Variants in MFHAS1 observed in about 807,000 individuals in gnomAD.
MFHAS1 encodes malignant fibrous histiocytoma-amplified sequence 1.
Under a neutral mutation model 70.4 loss-of-function variants are expected in MFHAS1, and 50 were observed. That is an observed-to-expected ratio of 0.71 (90% confidence interval 0.57 to 0.90). The LOEUF is 0.90. MFHAS1 is among the 40% of genes least tolerant of loss of function. MFHAS1 has a pLI of 0.00. For synonymous variants in MFHAS1, 952 were observed against 620.0 expected, an observed-to-expected ratio of 1.54 and a Z score of -7.96; for missense variants, 1,795 against 1,347.6, an observed-to-expected ratio of 1.33 and a Z score of -5.20.
chr8:8,796,777 C>T (rs1805916133), intron 2 of MFHAS1, among the ~76,000 whole-genome samples: 3 of 150,538 alleles, frequency 2.0e-5, no homozygotes, highest in African/African-American at 4.9e-5. Context: ...GGGCGGATCC[C>T]GAGGTCAGGA....
At chr8:8,847,729 T>C (rs1193489207) in intron 1 of MFHAS1, among the ~76,000 whole-genome samples, 1 of 152,224 alleles carries the variant, frequency 6.6e-6, no homozygotes, top group Non-Finnish European at 1.5e-5. Flanking sequence ...AAAATGTGTA[T>C]GAACTAAAAT....
At chr8:8,887,967 T>C (rs1384343974) in intron 1 of MFHAS1, among the ~76,000 whole-genome samples, 1 of 152,104 alleles carries the variant, frequency 6.6e-6, no homozygotes, top group Admixed American at 6.5e-5. Flanking sequence ...GTTAATAACA[T>C]TCGTTTTTAT....
At chr8:8,854,693 A>C (rs1298702802) in intron 1 of MFHAS1, among the ~76,000 whole-genome samples, 1 of 152,128 alleles carries the variant, frequency 6.6e-6, no homozygotes, top group Non-Finnish European at 1.5e-5. Context: ...TCAAAAAAAA[A>C]AAAAGGAAGA....
At chr8:8,824,535 ACACACACACACACACACACACACACAC>A (rs1807084319) in intron 1 of MFHAS1, among the ~76,000 whole-genome samples, 2 of 44,748 alleles carry the variant, frequency 4.5e-5, no homozygotes, top group Admixed American at 8.4e-4. Flanking sequence ...ACACACACAC[ACACACACACACACACACACACACACAC>A]ACACACCCCT....
Position 8,893,407 on chromosome 8 carries a change from C to G in MFHAS1, c.-349G>C, listed in dbSNP as rs1470589527. 1 of 145,808 alleles carries G rather than the reference C, an allele frequency of 6.9e-6. No individual in the cohort carries two copies. Among genetic ancestry groups the G allele is most frequent in the Non-Finnish European group, 1.5e-5 (1 of 65,580 alleles). 9.0% of individuals were successfully genotyped at this position (145,808 alleles called of 1,614,324 possible). ...GCCTCGGGGGGCCCGGCTCCGGCCC[C>G]GCTACCCTCGCAGCCGCGGTCCCGC... is the stretch of plus-strand genomic sequence containing the variant. On this transcript the variant is annotated 5_prime_UTR_variant, in exon 1 of 3. Transcript: ENST00000276282.
chr8:8,790,996 A>C (rs112208558), intron 2 of MFHAS1, among the ~76,000 whole-genome samples: 2,009 of 152,302 alleles, frequency 0.013, 38 homozygotes, highest in South Asian at 0.049. Context: ...TACAGTATAG[A>C]GGCAATAATC....
intron 1 of MFHAS1, among the ~76,000 whole-genome samples, chr8:8,826,426 G>C (rs1807165653): frequency 1.3e-5 from 2 of 152,106 alleles, no homozygotes; most frequent in South Asian, 4.1e-4. Flanking sequence ...GATAGTTCTA[G>C]CCAATGAAAT....
At chr8:8,809,215 T>C (rs1806453084) in intron 1 of MFHAS1, among the ~76,000 whole-genome samples, 2 of 152,174 alleles carry the variant, frequency 1.3e-5, no homozygotes, top group African/African-American at 4.8e-5. Context: ...TGTATAATTA[T>C]CTCATTATCT....
At chr8:8,815,022 C>CG (rs1806689009) in intron 1 of MFHAS1, among the ~76,000 whole-genome samples, 1 of 151,990 alleles carries the variant, frequency 6.6e-6, no homozygotes, top group African/African-American at 2.4e-5. Flanking sequence ...CCTTTCTCAC[C>CG]GCCCCCCACA....
At chr8:8,842,911 A>G (rs1807885776) in intron 1 of MFHAS1, among the ~76,000 whole-genome samples, 1 of 152,224 alleles carries the variant, frequency 6.6e-6, no homozygotes, top group Admixed American at 6.5e-5. Context: ...ATCTGCATTT[A>G]CAAATTAGCA....
intron 1 of MFHAS1, among the ~76,000 whole-genome samples, chr8:8,828,159 C>A (rs919276856): frequency 6.6e-6 from 1 of 152,168 alleles, no homozygotes; most frequent in African/African-American, 2.4e-5. Context: ...GATGCTGATG[C>A]AAATATACAA....
chr8:8,855,495 C>A (rs908442218), intron 1 of MFHAS1, among the ~76,000 whole-genome samples: 10 of 152,222 alleles, frequency 6.6e-5, no homozygotes, highest in African/African-American at 2.2e-4. Context: ...TGAAAATGAA[C>A]GTTATAGAAT....
chr8:8,853,187 C>T (rs904389523), intron 1 of MFHAS1, among the ~76,000 whole-genome samples: 4 of 151,814 alleles, frequency 2.6e-5, no homozygotes, highest in South Asian at 2.1e-4. Flanking sequence ...ACATATACAC[C>T]GACTCACACA....
At chr8:8,839,069 C>T (rs926569259) in intron 1 of MFHAS1, among the ~76,000 whole-genome samples, 1 of 151,876 alleles carries the variant, frequency 6.6e-6, no homozygotes, top group South Asian at 2.1e-4. Context: ...ACAAACTAGA[C>T]CACTAAAATT....
intron 1 of MFHAS1, among the ~76,000 whole-genome samples, chr8:8,824,790 G>A (rs1807095374): frequency 6.6e-6 from 1 of 152,206 alleles, no homozygotes; most frequent in South Asian, 2.1e-4. Context: ...TTCAAGGAAA[G>A]AAAATAGATT....
intron 1 of MFHAS1, among the ~76,000 whole-genome samples, chr8:8,856,165 C>T (rs1349854167): frequency 6.6e-6 from 1 of 152,188 alleles, no homozygotes; most frequent in Non-Finnish European, 1.5e-5. Flanking sequence ...AGATCTGGGG[C>T]CCTTATTTGG....
At chr8:8,885,090 G>A (rs1391980528) in intron 1 of MFHAS1, among the ~76,000 whole-genome samples, 1 of 152,040 alleles carries the variant, frequency 6.6e-6, no homozygotes, top group African/African-American at 2.4e-5. Context: ...CCTAATCAAA[G>A]ATATATCATG....
chr8:8,798,096 A>G (rs1395922045), intron 1 of MFHAS1, among the ~76,000 whole-genome samples: 1 of 152,106 alleles, frequency 6.6e-6, no homozygotes, highest in Non-Finnish European at 1.5e-5. Flanking sequence ...CACATAATTA[A>G]CCTAATGGAT....
At chr8:8,868,321 A>T (rs1808939408) in intron 1 of MFHAS1, among the ~76,000 whole-genome samples, 1 of 151,492 alleles carries the variant, frequency 6.6e-6, no homozygotes, top group Admixed American at 6.6e-5. Context: ...GGCTAATAAT[A>T]TAGACAAACT....
Sources: gnomAD v4.1 joint callset for allele counts (sites outside exome capture counted in the v4.1 genomes callset) on GRCh38, gnomAD v4.1.1 for gene constraint, MANE v1.5 for transcripts, NCBI Gene and HGNC (gene_info 2026-07-23, HGNC 2026-07-21) for gene names.